Variants in FHIT observed in about 807,000 individuals in gnomAD.
FHIT encodes the protein fragile histidine triad diadenosine triphosphatase, also known as bis(5'-adenosyl)-triphosphatase.
In FHIT, 19 loss-of-function variants were observed where a neutral mutation model predicts 17.9. The ratio of observed to expected loss-of-function variants is 1.06; its 90% CI spans 0.74 to 1.56. FHIT has a LOEUF of 1.56. Among genes scored for constraint, FHIT ranks in the 40% most tolerant of loss-of-function variants. The pLI, the probability that FHIT is intolerant of heterozygous loss-of-function variation, is 0.00. For missense variants in FHIT, 248 were observed against 189.2 expected, an observed-to-expected ratio of 1.31 and a Z score of -1.82; for synonymous variants, 81 against 69.7, an observed-to-expected ratio of 1.16 and a Z score of -0.81.
chr3:60,126,931 G>T (rs73097527), intron 5 of FHIT, among the ~76,000 whole-genome samples: 2 of 152,024 alleles, frequency 1.3e-5, no homozygotes, highest in Non-Finnish European at 2.9e-5. Context: ...GCGCGCTTCC[G>T]TAACTAGTGG....
chr3:60,342,211 C>G (rs1163953065), intron 5 of FHIT, among the ~76,000 whole-genome samples: 1 of 152,166 alleles, frequency 6.6e-6, no homozygotes, highest in Non-Finnish European at 1.5e-5. Flanking sequence ...CATCCTGCAT[C>G]TATCAGTAAG....
At chr3:60,077,232 A>T (rs1703050296) in intron 5 of FHIT, 1 of 152,040 alleles carries the variant, frequency 6.6e-6, no homozygotes, top group Admixed American at 6.6e-5. Context: ...ATAATTTTTA[A>T]TATATAAACT....
intron 8 of FHIT, among the ~76,000 whole-genome samples, chr3:59,843,476 G>T (rs1432933313): frequency 6.6e-6 from 1 of 152,084 alleles, no homozygotes; most frequent in East Asian, 1.9e-4. Context: ...AATTGTCACA[G>T]GGATTGTGTT....
chr3:60,426,217 T>C (rs1050113251), intron 5 of FHIT, among the ~76,000 whole-genome samples: 6 of 152,076 alleles, frequency 3.9e-5, no homozygotes, highest in Non-Finnish European at 7.4e-5. Context: ...ATTGTAAAAA[T>C]TAAGTGAGTG....
intron 5 of FHIT, among the ~76,000 whole-genome samples, chr3:60,059,915 A>G (rs13062539): frequency 0.073 from 11,046 of 152,256 alleles, 587 homozygotes; most frequent in Non-Finnish European, 0.11. Flanking sequence ...TCATGGGGTG[A>G]TCACATCATG....
At chr3:60,311,010 T>G (rs987342126) in intron 5 of FHIT, among the ~76,000 whole-genome samples, 2 of 152,202 alleles carry the variant, frequency 1.3e-5, no homozygotes, top group Admixed American at 1.3e-4. Context: ...CAGTTACTAA[T>G]TTCAGTAAAT....
intron 8 of FHIT, among the ~76,000 whole-genome samples, chr3:59,766,403 G>C (rs1031488352): frequency 2.6e-5 from 4 of 152,170 alleles, no homozygotes; most frequent in African/African-American, 9.7e-5. Context: ...TTATTAACTG[G>C]ATTCCAGATG....
At position 59,748,611 on chromosome 3, in the gene FHIT, G is replaced by T. The variant is rs965011935; in HGVS notation, c.*974C>A. On this transcript the variant is annotated 3_prime_UTR_variant, in exon 10 of 10. Transcript: ENST00000492590. ...GCAGAAATAGGCCAGTAGATAAGGT[G>T]AAGAGGCTAAGAAGACTATTTGGAG... 2.0e-5 allele frequency among the ~76,000 whole-genome samples: 3 copies of T among 152,088 alleles called. No individual in the cohort carries two copies. The highest frequency in any genetic ancestry group is 7.2e-5 in the African/African-American group (3 of 41,414).
chr3:60,359,534 C>T (rs1005600387), intron 5 of FHIT, among the ~76,000 whole-genome samples: 3 of 151,966 alleles, frequency 2.0e-5, no homozygotes, highest in Non-Finnish European at 2.9e-5. Flanking sequence ...CCGCCTTGGC[C>T]GCCCAAAGTG....
At chr3:60,843,257 G>A (rs1553745603) in intron 3 of FHIT, among the ~76,000 whole-genome samples, 1 of 152,090 alleles carries the variant, frequency 6.6e-6, no homozygotes, top group Non-Finnish European at 1.5e-5. Context: ...GCATTCAGGT[G>A]GTTCCAGAGG....
intron 5 of FHIT, among the ~76,000 whole-genome samples, chr3:60,133,613 G>A (rs1225429279): frequency 6.6e-6 from 1 of 152,094 alleles, no homozygotes; most frequent in Non-Finnish European, 1.5e-5. Flanking sequence ...TCCTGAGAGT[G>A]TGGGGACCAG....
intron 8 of FHIT, among the ~76,000 whole-genome samples, chr3:59,790,514 CTCTCTCTCTCTCTCTG>C (rs1699505793): frequency 7.3e-6 from 1 of 136,636 alleles, no homozygotes; most frequent in African/African-American, 3.0e-5. Context: ...CTTTCTCTCT[CTCTCTCTCTCTCTCTG>C]TGTGTGTGTG....
chr3:60,800,774 A>G (rs1701158715), intron 4 of FHIT, among the ~76,000 whole-genome samples: 1 of 152,194 alleles, frequency 6.6e-6, no homozygotes, highest in African/African-American at 2.4e-5. Flanking sequence ...GGACAAGAGT[A>G]TGGAGTATGA....
intron 3 of FHIT, among the ~76,000 whole-genome samples, chr3:60,824,268 G>A (rs990126457): frequency 1.3e-4 from 20 of 152,292 alleles, no homozygotes; most frequent in African/African-American, 3.6e-4. Context: ...AGTCCTATGC[G>A]AAATATTTTG....
intron 4 of FHIT, among the ~76,000 whole-genome samples, chr3:60,573,189 G>A (rs909686392): frequency 8.5e-5 from 13 of 152,096 alleles, no homozygotes; most frequent in African/African-American, 3.1e-4. Context: ...GGCCTGGATG[G>A]AATGCAATCA....
At chr3:60,349,630 TA>T (rs1710980355) in intron 5 of FHIT, among the ~76,000 whole-genome samples, 1 of 152,160 alleles carries the variant, frequency 6.6e-6, no homozygotes, top group South Asian at 2.1e-4. Flanking sequence ...CCTCCAAAGA[TA>T]AACTGTTTAT....
intron 5 of FHIT, among the ~76,000 whole-genome samples, chr3:60,130,475 C>A (rs367807243): frequency 1.3e-5 from 2 of 152,134 alleles, no homozygotes; most frequent in East Asian, 1.9e-4. Flanking sequence ...TCATTTCACA[C>A]CTGATGGGAT....
At chr3:60,456,461 T>C (rs188207625) in intron 5 of FHIT, among the ~76,000 whole-genome samples, 8 of 152,320 alleles carry the variant, frequency 5.3e-5, no homozygotes, top group Admixed American at 1.3e-4. Flanking sequence ...CTATGTACCT[T>C]CTTAAATACA....
chr3:59,952,486 C>T (rs1707168178), intron 7 of FHIT, among the ~76,000 whole-genome samples: 1 of 152,178 alleles, frequency 6.6e-6, no homozygotes, highest in African/African-American at 2.4e-5. Flanking sequence ...CACTTCCAGA[C>T]TCTCACCTCC....
Sources: gnomAD v4.1 joint callset for allele counts (sites outside exome capture counted in the v4.1 genomes callset) on GRCh38, gnomAD v4.1.1 for gene constraint, MANE v1.5 for transcripts, NCBI Gene and HGNC (gene_info 2026-07-23, HGNC 2026-07-21) for gene names.